CMSS1: variants seen among roughly 807,000 people sequenced by gnomAD.
CMSS1 encodes cms1 ribosomal small subunit homolog.
A neutral mutation model predicts 43.5 loss-of-function variants in CMSS1; 33 were observed. The observed-to-expected ratio is 0.76, with a 90% CI of 0.57 to 1.01. The LOEUF (loss-of-function observed/expected upper bound fraction) is 1.01. Ranked by LOEUF, CMSS1 falls within the 50% of genes least tolerant of loss-of-function variation. CMSS1 has a pLI of 0.00. For synonymous variants in CMSS1, 115 were observed against 117.2 expected (o/e 0.98, Z 0.12); for missense variants, 313 against 326.4 (o/e 0.96, Z 0.32).
chr3:99,911,994 C>G (rs1235364072), intron 1 of CMSS1, among the ~76,000 whole-genome samples: 1 of 151,910 alleles, frequency 6.6e-6, no homozygotes, highest in African/African-American at 2.4e-5. Context: ...TTATTCTTTG[C>G]TTCCTAATAA....
chr3:99,938,717 A>G (rs1396421912), intron 1 of CMSS1, among the ~76,000 whole-genome samples: 2 of 152,332 alleles, frequency 1.3e-5, no homozygotes, highest in African/African-American at 2.4e-5. Context: ...TGATTCATCT[A>G]TGAAAATAGT....
At chr3:100,106,145 A>G (rs1023999713) in intron 1 of CMSS1, among the ~76,000 whole-genome samples, 3 of 152,196 alleles carry the variant, frequency 2.0e-5, no homozygotes, top group Non-Finnish European at 4.4e-5. Context: ...GAACAATCAG[A>G]TACAGATACC....
At chr3:100,050,820 G>A (rs909489959) in intron 1 of CMSS1, among the ~76,000 whole-genome samples, 17 of 152,194 alleles carry the variant, frequency 1.1e-4, no homozygotes, top group Middle Eastern at 3.4e-3. Flanking sequence ...ATGAACCACC[G>A]CACCCAGCCT....
intron 1 of CMSS1, among the ~76,000 whole-genome samples, chr3:100,110,874 T>G (rs1207066299): frequency 6.6e-6 from 1 of 152,172 alleles, no homozygotes; most frequent in Admixed American, 6.6e-5. Context: ...TGACAATGTT[T>G]TATGTTGCTA....
chr3:99,859,164 A>T (rs1944117279), intron 1 of CMSS1, among the ~76,000 whole-genome samples: 1 of 152,258 alleles, frequency 6.6e-6, no homozygotes, highest in Non-Finnish European at 1.5e-5. Context: ...AAATGGGTCC[A>T]TCCATAGTGC....
intron 1 of CMSS1, among the ~76,000 whole-genome samples, chr3:99,915,307 A>T (rs1706918203): frequency 6.6e-6 from 1 of 152,136 alleles, no homozygotes; most frequent in Non-Finnish European, 1.5e-5. Flanking sequence ...AAAAATATTT[A>T]TTTTACCTCT....
chr3:99,917,638 G>T (rs1326117236), intron 1 of CMSS1, among the ~76,000 whole-genome samples: 4 of 152,122 alleles, frequency 2.6e-5, no homozygotes, highest in African/African-American at 7.2e-5. Flanking sequence ...ATAGTTATCT[G>T]GTAGATTGAT....
chr3:99,860,879 C>T (rs1024544694), intron 1 of CMSS1, among the ~76,000 whole-genome samples: 3 of 152,066 alleles, frequency 2.0e-5, no homozygotes, highest in Admixed American at 2.0e-4. Flanking sequence ...CATTTAATAC[C>T]GTGAATATTG....
At chr3:100,107,156 A>T (rs1216221744) in intron 1 of CMSS1, among the ~76,000 whole-genome samples, 3 of 152,186 alleles carry the variant, frequency 2.0e-5, no homozygotes, top group African/African-American at 7.2e-5. Flanking sequence ...TTATATACAG[A>T]TTAATTCCAC....
intron 1 of CMSS1, among the ~76,000 whole-genome samples, chr3:99,825,037 T>C (rs566351368): frequency 2.0e-5 from 3 of 152,354 alleles, no homozygotes; most frequent in East Asian, 1.9e-4. Flanking sequence ...TCTGTGTTTT[T>C]TCTATTTTCA....
At chr3:100,017,199 A>G (rs1026154524) in intron 1 of CMSS1, among the ~76,000 whole-genome samples, 3 of 152,226 alleles carry the variant, frequency 2.0e-5, no homozygotes, top group Non-Finnish European at 4.4e-5. Context: ...CTGATTATCA[A>G]TTAAGCTGAA....
At chr3:99,970,445 G>A (rs767830565) in intron 1 of CMSS1, among the ~76,000 whole-genome samples, 2 of 152,234 alleles carry the variant, frequency 1.3e-5, no homozygotes, top group Non-Finnish European at 2.9e-5. Flanking sequence ...CAGTTTTGAA[G>A]TCTCATTCTC....
chr3:99,863,782 A>G (rs998315120), intron 1 of CMSS1, among the ~76,000 whole-genome samples: 2 of 152,228 alleles, frequency 1.3e-5, no homozygotes, highest in Non-Finnish European at 2.9e-5. Context: ...AACTGTAACC[A>G]CTGATACTAG....
chr3:99,881,384 A>G (rs1705721544), intron 1 of CMSS1, among the ~76,000 whole-genome samples: 1 of 151,940 alleles, frequency 6.6e-6, no homozygotes, highest in Non-Finnish European at 1.5e-5. Context: ...TGCAGAAGTG[A>G]AAAAAAACCC....
At chr3:100,103,605 G>C (rs1480004319) in intron 1 of CMSS1, among the ~76,000 whole-genome samples, 1 of 152,108 alleles carries the variant, frequency 6.6e-6, no homozygotes, top group African/African-American at 2.4e-5. Flanking sequence ...AAGGAGGTGT[G>C]GGCAGTTAAG....
intron 1 of CMSS1, among the ~76,000 whole-genome samples, chr3:100,039,622 G>C (rs751002306): frequency 6.6e-6 from 1 of 152,066 alleles, no homozygotes; most frequent in South Asian, 2.1e-4. Flanking sequence ...GAAAAGCATT[G>C]TCCCTAGAGT....
chr3:99,976,618 T>C (rs1484142675), intron 1 of CMSS1, among the ~76,000 whole-genome samples: 1 of 152,188 alleles, frequency 6.6e-6, no homozygotes, highest in Non-Finnish European at 1.5e-5. Flanking sequence ...AATTTTTATC[T>C]TTGTTCCTCT....
intron 1 of CMSS1, among the ~76,000 whole-genome samples, chr3:99,893,050 G>T (rs1313256165): frequency 1.3e-5 from 2 of 151,986 alleles, no homozygotes; most frequent in Non-Finnish European, 1.5e-5. Context: ...CAAGCATGAT[G>T]CTCTGTGTGT....
chr3:100,167,958 A>C, intron 6 of CMSS1, 118 bp downstream of exon 6: 2 of 582,598 alleles, frequency 3.4e-6, no homozygotes, highest in East Asian at 5.6e-5. Flanking sequence ...CCCTGCCCTC[A>C]TGGAATTTAT....
Sources: allele counts gnomAD v4.1 joint callset (sites outside exome capture counted in the v4.1 genomes callset), GRCh38; gene constraint gnomAD v4.1.1; transcripts MANE v1.5; gene names NCBI Gene and HGNC (gene_info 2026-07-23, HGNC 2026-07-21).